Variants in COL20A1 observed in about 807,000 individuals in gnomAD.
The protein encoded by COL20A1 is collagen alpha-1(XX) chain.
COL20A1 carries 164 observed loss-of-function variants against 152.9 expected under a neutral mutation model. The ratio of observed to expected loss-of-function variants is 1.07; its 90% CI spans 0.94 to 1.22. The LOEUF (loss-of-function observed/expected upper bound fraction) is 1.22, where lower values mean the gene tolerates loss of function less well. Among genes scored for constraint, COL20A1 ranks in the 50% most tolerant of loss-of-function variants. The probability of loss-of-function intolerance (pLI) is 0.00; values close to 1 mark genes in which losing one functional copy is unlikely to be tolerated. For missense variants in COL20A1, 1,873 were observed against 1,744.8 expected (o/e 1.07, Z -1.31); for synonymous variants, 864 against 756.0 (o/e 1.14, Z -2.34).
At chr20:63,315,601 C>T (rs969066973) in intron 20 of COL20A1, among the ~76,000 whole-genome samples, 162 bp downstream of exon 20, 10 of 152,188 alleles carry the variant, frequency 6.6e-5, no homozygotes, top group Admixed American at 1.3e-4. Context: ...GCTGGCTGGG[C>T]GGTGGTTATT....
In COL20A1 at chr20:63,328,118, A is replaced by G. The variant is rs1208333628; in HGVS notation, c.3604A>G (p.Ser1202Gly). The G allele has an allele frequency of 2.5e-6, 4 of 1,613,170 alleles. No homozygotes were observed. The highest frequency in any genetic ancestry group is 1.1e-5 in the South Asian group (1 of 91,024). Residue 1202 changes from serine (S) to glycine (G), a missense_variant, in exon 33 of 36, where the codon AGC (serine) becomes GGC (glycine). Physicochemically the swap from Ser to Gly is moderately conservative, Grantham distance 56. Transcript: ENST00000358894. The stretch of plus-strand genomic sequence containing the variant: ...CCTTGCCACCCTCTACCAGCTTGTG[A>G]GCCAGGCCTGTGAGTCTGCCATTCA... ...QSLATLYQLV[S>G]QASHVSKFDS...
rs1044526845 is a variant in COL20A1 at position 63,309,787 on chromosome 20, G to C, written c.1135G>C (p.Ala379Pro). 5 of 1,598,766 alleles carry C rather than the reference G, an allele frequency of 3.1e-6. No individual in the cohort carries two copies. In the African/African-American group the frequency reaches 6.7e-5, roughly 21 times the overall value. The part of the protein sequence containing the change: ...AAAPALDTLP[A>P]PTSLVLSQVT... ...GGCTCCAGCCCTGGACACCCTCCCT[G>C]CCCCCACCAGCCTGGTCCTGAGCCA... is the stretch of plus-strand genomic sequence containing the variant. Residue 379 changes from alanine to proline, a missense_variant, in exon 10 of 36, where the codon GCC becomes CCC. By Grantham distance (27) the Ala-to-Pro change is conservative (BLOSUM62 -1). Transcript: ENST00000358894.
rs142877066 is a variant in COL20A1, at chr20:63,294,959, C to T, written c.-10-139C>T. ...AGACAACAGGTTGCAGGCCTCTGGT[C>T]CTCACACATGTGAGGGGTGGAGCCC... On this transcript the variant is annotated intron_variant, in intron 1 of 35. Coordinates refer to ENST00000358894, the MANE Select transcript of COL20A1 (RefSeq NM_020882.4). 1,006 of 604,778 alleles carry T rather than the reference C, an allele frequency of 1.7e-3. 35 individuals are homozygous for T. In the East Asian group the frequency reaches 0.028, roughly 17 times the overall value. The allele number at this position is 604,778 out of a possible 1,614,324, so 37.5% of individuals were successfully genotyped here.
At chr20:63,308,453 G>T in intron 7 of COL20A1, 89 bp from the exon 8 acceptor site, 1 of 1,252,902 alleles carries the variant, frequency 8.0e-7, no homozygotes, top group Admixed American at 2.6e-5. Flanking sequence ...GGGAAGGAGA[G>T]GAGCATCTCT....
At chr20:63,324,944 T>C (rs889898506) in intron 27 of COL20A1, 2 of 240,084 alleles carry the variant, frequency 8.3e-6, no homozygotes, top group African/African-American at 4.7e-5. Flanking sequence ...TTTTCCTCGG[T>C]GATTTCTGCA....
At position 63,313,447 on chromosome 20, in the gene COL20A1, G is replaced by C. The variant is rs1369444380; in HGVS notation, c.2209+198G>C. On this transcript the variant is annotated intron_variant, in intron 17 of 35. Transcript: ENST00000358894. This position sits in a 1 kb window ranked among gnomAD's most constrained non-coding sequence, Gnocchi z 5.9. ...GGGTATAGGTGTTCCCCCAGTGGCC[G>C]AGTGCACAAACCACCTAGTGTCCCG... is the stretch of plus-strand genomic sequence containing the variant. 6.6e-5 allele frequency among the ~76,000 whole-genome samples: 10 copies of C among 152,192 alleles called. No homozygotes were observed. The highest frequency in any genetic ancestry group is 6.5e-4 in the Admixed American group (10 of 15,286).
In COL20A1 at chr20:63,323,972, C is replaced by G. The variant is rs373523400; in HGVS notation, c.3295-1469C>G. ...TGATGTCTTCATGATGTTGAATCTT[C>G]TCATCCAAAAACACAGCCATCCTGC... On this transcript the variant is annotated intron_variant, in intron 27 of 35. Coordinates refer to ENST00000358894, the MANE Select transcript of COL20A1 (RefSeq NM_020882.4). Among the ~76,000 whole-genome samples the G allele has an allele frequency of 1.3e-4, 20 of 152,354 alleles. 1 individual carries two copies. In the South Asian group the frequency reaches 2.3e-3, roughly 17 times the overall value.
At chr20:63,296,406 C>T (rs571853443) in intron 2 of COL20A1, among the ~76,000 whole-genome samples, 16 of 152,262 alleles carry the variant, frequency 1.1e-4, no homozygotes, top group South Asian at 8.3e-4. Context: ...AAGGGCCTTT[C>T]GGGGGCCATT....
chr20:63,316,955 A>T (rs2068092759), intron 21 of COL20A1, among the ~76,000 whole-genome samples: 1 of 152,232 alleles, frequency 6.6e-6, no homozygotes, highest in Non-Finnish European at 1.5e-5. Context: ...TCTATTTCCC[A>T]TGTGAGCTGA....
rs1460548181 is a variant in COL20A1, at chr20:63,333,333, G to T, written c.*2617G>T. Reference sequence around the variant, plus strand: ...TCAGCTCAGGCCAGCCACCGAGGTGGTGTGACGCAAGGCTGATCTGACGCT... The same window carrying T: ...TCAGCTCAGGCCAGCCACCGAGGTGTTGTGACGCAAGGCTGATCTGACGCT... On this transcript the variant is annotated 3_prime_UTR_variant, in exon 36 of 36. Transcript: ENST00000358894. 6.6e-6 allele frequency: 1 copy of T among 152,396 alleles called. No homozygotes were observed. The highest frequency in any genetic ancestry group is 1.5e-5 in the Non-Finnish European group (1 of 68,172). The allele number at this position is 152,396 out of a possible 1,614,324, so 9.4% of individuals were successfully genotyped here. A position where few individuals can be genotyped will look rare whatever the true frequency, so the allele number is the denominator to read the frequency against.
chr20:63,318,093 C>A (rs2068107690), intron 21 of COL20A1, among the ~76,000 whole-genome samples: 1 of 152,230 alleles, frequency 6.6e-6, no homozygotes, highest in Non-Finnish European at 1.5e-5. Context: ...GGGCTCCTCC[C>A]AGCCTTGTGG....
intron 3 of COL20A1, among the ~76,000 whole-genome samples, chr20:63,301,555 T>C (rs2067863614): frequency 6.6e-6 from 1 of 152,246 alleles, no homozygotes; most frequent in Non-Finnish European, 1.5e-5. Flanking sequence ...TTCTTGTGGT[T>C]GTCTTACTGT....
Position 63,326,157 on chromosome 20 carries a change from C to T in COL20A1, c.3456+8C>T, listed in dbSNP as rs1254137599. 1 of 1,609,644 alleles carries T rather than the reference C, an allele frequency of 6.2e-7. No homozygotes were observed. Among genetic ancestry groups the T allele is most frequent in the Non-Finnish European group, 8.5e-7 (1 of 1,177,172 alleles). On this transcript the variant is annotated splice_region_variant and intron_variant, in intron 30 of 35. Coordinates refer to ENST00000358894, the MANE Select transcript of COL20A1 (RefSeq NM_020882.4). Reference sequence around the variant, plus strand: ...GGACCCCCTGGCCCCAGGGTAGGCACCGACCTCCCATGACCCCGACCCCCA... The same window carrying T: ...GGACCCCCTGGCCCCAGGGTAGGCATCGACCTCCCATGACCCCGACCCCCA...
In COL20A1 at chr20:63,313,688, G is replaced by A. The variant is rs1298662545; in HGVS notation, c.2210-55G>A. On this transcript the variant is annotated intron_variant, in intron 17 of 35. Transcript: ENST00000358894. The surrounding 1 kb of genome is among the most constrained non-coding windows in gnomAD (Gnocchi z 5.9). ...CTGGGCAGCTGGTCCTCTGGCCACC[G>A]GGTGCCTCCTTTCTGGAGGGGCCTG... 3.4e-5 allele frequency: 51 copies of A among 1,488,696 alleles called. No individual in the cohort carries two copies. Among genetic ancestry groups the A allele is most frequent in the African/African-American group, 1.3e-4 (9 of 71,060 alleles). The allele number at this position is 1,488,696 out of a possible 1,614,324, so 92.2% of individuals were successfully genotyped here. A position where few individuals can be genotyped will look rare whatever the true frequency, so the allele number is the denominator to read the frequency against.
At chr20:63,324,948 T>C (rs1187744742) in intron 27 of COL20A1, 3 of 247,718 alleles carry the variant, frequency 1.2e-5, no homozygotes, top group East Asian at 1.5e-4. Flanking sequence ...CCTCGGTGAT[T>C]TCTGCAGCGC....
Position 63,305,511 on chromosome 20 carries a change from C to G in COL20A1, c.288C>G (p.Phe96Leu), listed in dbSNP as rs371649528. ...SPSKGYTLQI[F>L]ELTGSGRFLL... The stretch of plus-strand genomic sequence containing the variant: ...CCAAGGGCTACACCTTGCAGATCTT[C>G]GAGCTCACTGGCTCTGGGCGCTTCC... The change falls in exon 4 of 36, where the codon TTC becomes TTG. Residue 96 changes from phenylalanine (F) to leucine (L), a missense_variant. By Grantham distance (22) the Phe-to-Leu change is conservative. Transcript: ENST00000358894. The surrounding 1 kb of genome is among the most constrained non-coding windows in gnomAD (Gnocchi z 4.9). 4 of 1,607,878 alleles carry G rather than the reference C, an allele frequency of 2.5e-6. No individual in the cohort carries two copies. The East Asian group carries it at 9.0e-5, about 36-fold the overall frequency.
chr20:63,313,463 T>C lies in COL20A1; in HGVS notation c.2209+214T>C, dbSNP rs924409841. On this transcript the variant is annotated intron_variant, in intron 17 of 35. Transcript: ENST00000358894. The surrounding 1 kb of genome is among the most constrained non-coding windows in gnomAD (Gnocchi z 5.9). ...CCAGTGGCCGAGTGCACAAACCACC[T>C]AGTGTCCCGCAGGGCAGCCCAGGCA... 2.0e-5 allele frequency among the ~76,000 whole-genome samples: 3 copies of C among 152,022 alleles called. No homozygotes were observed. The highest frequency in any genetic ancestry group is 4.1e-4 in the South Asian group (2 of 4,824).
chr20:63,316,160 C>T (rs774088169), intron 20 of COL20A1, among the ~76,000 whole-genome samples: 2 of 149,006 alleles, frequency 1.3e-5, no homozygotes, highest in Non-Finnish European at 3.0e-5. Flanking sequence ...GGGCGGGGGA[C>T]GCGGTGCAGT....
chr20:63,319,171 TC>T lies in COL20A1; in HGVS notation c.2779del (p.Gln927SerfsTer15). On this transcript the variant is annotated frameshift_variant, in exon 22 of 36. Coordinates refer to ENST00000358894, the MANE Select transcript of COL20A1 (RefSeq NM_020882.4). LOFTEE classifies it high-confidence loss of function. The surrounding 1 kb of genome is among the most constrained non-coding windows in gnomAD (Gnocchi z 4.4). ...CTGTGGCAGATGACAGCCGAGGACT[TC>T]CAGCCCCTCCTTGGGGTTCTGCTGG... ...FALWQMTAED[F>X]QPLLGVLLDA... The T allele has an allele frequency of 6.2e-7, 1 of 1,612,694 alleles. No homozygotes were observed. The highest frequency in any genetic ancestry group is 8.5e-7 in the Non-Finnish European group (1 of 1,179,702).
Sources: gnomAD v4.1 joint callset for allele counts (sites outside exome capture counted in the v4.1 genomes callset) on GRCh38, gnomAD v4.1.1 for gene constraint, Gnocchi (gnomAD v3.1) non-coding constraint, MANE v1.5 for transcripts, NCBI Gene and HGNC (gene_info 2026-07-23, HGNC 2026-07-21) for gene names.